LUZP1: variants seen among roughly 807,000 people sequenced by gnomAD.
LUZP1 encodes leucine zipper protein 1.
A neutral mutation model predicts 71.3 loss-of-function variants in LUZP1; 25 were observed. That is an observed-to-expected ratio of 0.35 (90% confidence interval 0.26 to 0.49). The LOEUF is 0.49. Among genes scored for constraint, LUZP1 ranks in the 20% least tolerant of loss-of-function variants. The pLI, the probability that LUZP1 is intolerant of heterozygous loss-of-function variation, is 0.99. For synonymous variants in LUZP1, 481 were observed against 506.4 expected, an observed-to-expected ratio of 0.95 and a Z score of 0.67; for missense variants, 1,142 against 1,300.8, an observed-to-expected ratio of 0.88 and a Z score of 1.88.
At chr1:23,120,595 C>T (rs1174053750) in intron 2 of LUZP1, among the ~76,000 whole-genome samples, 2 of 151,952 alleles carry the variant, frequency 1.3e-5, no homozygotes, top group Admixed American at 6.6e-5. Context: ...TGGCCTCAAA[C>T]GATCCTCTTC....
At chr1:23,138,922 C>T (rs539445097) in intron 2 of LUZP1, among the ~76,000 whole-genome samples, 10 of 137,674 alleles carry the variant, frequency 7.3e-5, no homozygotes, top group African/African-American at 2.4e-4. Context: ...CGCTTGAACC[C>T]GGGAGGTGGA....
intron 2 of LUZP1, among the ~76,000 whole-genome samples, chr1:23,145,989 C>G (rs1644339891): frequency 6.6e-6 from 1 of 152,084 alleles, no homozygotes; most frequent in Non-Finnish European, 1.5e-5. Flanking sequence ...CCTAGTAAAA[C>G]ATTCAACAAA....
chr1:23,139,019 A>ATAT (rs1553140198), intron 2 of LUZP1, among the ~76,000 whole-genome samples: 46 of 59,940 alleles, frequency 7.7e-4, no homozygotes, highest in Admixed American at 1.1e-3. Context: ...AAAAAAAAAA[A>ATAT]ATATATATAT....
intron 2 of LUZP1, among the ~76,000 whole-genome samples, chr1:23,159,208 G>A (rs1374039752): frequency 2.0e-5 from 3 of 151,810 alleles, no homozygotes; most frequent in African/African-American, 7.3e-5. Context: ...AGGCGTGGTG[G>A]CGGGCACCTG....
intron 2 of LUZP1, among the ~76,000 whole-genome samples, chr1:23,136,812 G>C (rs1644258012): frequency 6.6e-6 from 1 of 152,220 alleles, no homozygotes. Context: ...AGCTACTCAG[G>C]GAGGCTGAGA....
intron 2 of LUZP1, among the ~76,000 whole-genome samples, chr1:23,155,369 A>C (rs977609288): frequency 1.3e-5 from 2 of 152,230 alleles, no homozygotes; most frequent in Non-Finnish European, 2.9e-5. Flanking sequence ...TCATAAAATC[A>C]TTATGTGTTA....
At chr1:23,103,917 GGGA>G (rs1643957514) in intron 3 of LUZP1, among the ~76,000 whole-genome samples, 2 of 63,634 alleles carry the variant, frequency 3.1e-5, no homozygotes, top group South Asian at 8.6e-4. Flanking sequence ...GAAGGAGGGA[GGGA>G]GGGGGGGAAG....
chr1:23,149,271 A>T (rs2124726353), intron 2 of LUZP1, among the ~76,000 whole-genome samples: 1 of 152,112 alleles, frequency 6.6e-6, no homozygotes, highest in South Asian at 2.1e-4. Flanking sequence ...AAGACTAGCA[A>T]GTCAAATCAA....
At chr1:23,119,251 C>CTTTTTTTTTTT (rs35522356) in intron 2 of LUZP1, among the ~76,000 whole-genome samples, 1 of 69,996 alleles carries the variant, frequency 1.4e-5, no homozygotes, top group Non-Finnish European at 2.5e-5. Flanking sequence ...GTGACTAGCT[C>CTTTTTTTTTTT]TTTTTTTTTT....
At chr1:23,136,867 G>A (rs555700030) in intron 2 of LUZP1, among the ~76,000 whole-genome samples, 10 of 152,276 alleles carry the variant, frequency 6.6e-5, no homozygotes, top group African/African-American at 1.9e-4. Context: ...GCAGTGAGCC[G>A]AGATCGTGCC....
exon 5 of LUZP1, chr1:23,085,518 TAAC>T (rs1446631595): frequency 1.3e-5 from 2 of 152,402 alleles, no homozygotes; most frequent in African/African-American, 2.4e-5. Context: ...CAAAACCTCA[TAAC>T]AAGGTAGCCA....
At position 23,143,973 on chromosome 1, in the gene LUZP1, A is replaced by G. The variant is rs1006375024; in HGVS notation, c.-226+24793T>C. ...CAGTATAATGCTTTATCTACCTTCA[A>G]TCATAACTCAGTCTAATCCAATATG... On this transcript the variant is annotated intron_variant, in intron 2 of 4. Transcript: ENST00000302291. Among the ~76,000 whole-genome samples, 4 of 152,212 alleles carry G rather than the reference A, an allele frequency of 2.6e-5. No homozygotes were observed. The South Asian group carries it at 6.2e-4, about 24-fold the overall frequency.
At chr1:23,117,477 C>CTCTCTCTCTCTCTCTCTCTCT (rs34248788) in intron 2 of LUZP1, among the ~76,000 whole-genome samples, 2 of 13,860 alleles carry the variant, frequency 1.4e-4, no homozygotes, top group African/African-American at 5.8e-4. Context: ...CTCTCTCTCT[C>CTCTCTCTCTCTCTCTCTCTCT]CCCCCCCCCC....
At chr1:23,149,697 G>T (rs1391457058) in intron 2 of LUZP1, among the ~76,000 whole-genome samples, 1 of 152,168 alleles carries the variant, frequency 6.6e-6, no homozygotes, top group Non-Finnish European at 1.5e-5. Context: ...TAAAAGGGCC[G>T]GGCGTGGTGG....
chr1:23,174,946 T>C (rs1644574202), intron 1 of LUZP1, among the ~76,000 whole-genome samples: 1 of 152,206 alleles, frequency 6.6e-6, no homozygotes, highest in South Asian at 2.1e-4. Flanking sequence ...CATTCATTCA[T>C]TCATTCATTC....
chr1:23,152,669 T>G (rs1263457156), intron 2 of LUZP1, among the ~76,000 whole-genome samples: 1 of 152,058 alleles, frequency 6.6e-6, no homozygotes, highest in Non-Finnish European at 1.5e-5. Context: ...TAGCTGGGAT[T>G]ACAGGCGCCC....
chr1:23,100,628 G>A (rs1276529040), intron 3 of LUZP1, among the ~76,000 whole-genome samples: 1 of 152,150 alleles, frequency 6.6e-6, no homozygotes, highest in Non-Finnish European at 1.5e-5. Flanking sequence ...AGAGCCAGAA[G>A]GTAGCTAAAG....
intron 1 of LUZP1, among the ~76,000 whole-genome samples, chr1:23,173,655 C>G (rs534142005): frequency 1.2e-4 from 19 of 152,046 alleles, no homozygotes; most frequent in African/African-American, 4.6e-4. Flanking sequence ...CTGTGCCCAG[C>G]CTGTTTTGCT....
intron 2 of LUZP1, among the ~76,000 whole-genome samples, chr1:23,142,780 C>T (rs1210768793): frequency 2.6e-5 from 4 of 151,446 alleles, no homozygotes; most frequent in Non-Finnish European, 4.4e-5. Flanking sequence ...AGGGTTGGCA[C>T]CCCTAACTCC....
Sources: gnomAD v4.1 joint callset for allele counts (sites outside exome capture counted in the v4.1 genomes callset) on GRCh38, gnomAD v4.1.1 for gene constraint, MANE v1.5 for transcripts, NCBI Gene and HGNC (gene_info 2026-07-23, HGNC 2026-07-21) for gene names.